The following GDAP1 variants were observed in gnomAD, a reference collection of about 807,000 sequenced individuals.
The protein encoded by GDAP1 is ganglioside-induced differentiation-associated protein 1.
A neutral mutation model predicts 40.1 loss-of-function variants in GDAP1; 34 were observed. The observed-to-expected ratio is 0.85, with a 90% CI of 0.64 to 1.13. GDAP1 has a LOEUF of 1.13. Ranked by LOEUF, GDAP1 falls within the 50% of genes most tolerant of loss-of-function variation. The pLI is 0.00. For missense variants in GDAP1, 374 were observed against 433.7 expected, an observed-to-expected ratio of 0.86 and a Z score of 1.22; for synonymous variants, 170 against 157.4, an observed-to-expected ratio of 1.08 and a Z score of -0.60.
intron 2 of GDAP1, among the ~76,000 whole-genome samples, chr8:74,413,544 A>C (rs1387541251): frequency 6.7e-6 from 1 of 149,542 alleles, no homozygotes; most frequent in Non-Finnish European, 1.5e-5. Flanking sequence ...AGACTGTGAA[A>C]ATCACCCATT....
At chr8:74,391,937 G>A (rs550443572) in intron 2 of GDAP1, among the ~76,000 whole-genome samples, 79 of 152,178 alleles carry the variant, frequency 5.2e-4, no homozygotes, top group South Asian at 1.5e-3. Flanking sequence ...TCCTGCCTCA[G>A]CCTCCCAAGT....
chr8:74,485,060 T>C (rs1485016507), intron 2 of GDAP1, among the ~76,000 whole-genome samples: 1 of 152,182 alleles, frequency 6.6e-6, no homozygotes, highest in Non-Finnish European at 1.5e-5. Context: ...AATGGTGCTC[T>C]GTCACCTGCA....
intron 2 of GDAP1, among the ~76,000 whole-genome samples, chr8:74,468,376 T>C (rs1160600910): frequency 1.3e-5 from 2 of 152,044 alleles, no homozygotes; most frequent in African/African-American, 4.8e-5. Flanking sequence ...AGACTTTCTC[T>C]TCAAGACCTG....
chr8:74,432,688 A>G (rs1806042768), intron 2 of GDAP1, among the ~76,000 whole-genome samples: 2 of 152,146 alleles, frequency 1.3e-5, no homozygotes, highest in South Asian at 2.1e-4. Context: ...TGGCCATTTA[A>G]TAGATGGACT....
intron 2 of GDAP1, among the ~76,000 whole-genome samples, chr8:74,471,470 C>T (rs1173234807): frequency 1.3e-5 from 2 of 149,870 alleles, no homozygotes; most frequent in Non-Finnish European, 3.0e-5. Context: ...AAAAATAATT[C>T]CTTCCTTTTG....
At chr8:74,435,961 C>T (rs1342022748) in intron 2 of GDAP1, among the ~76,000 whole-genome samples, 1 of 152,132 alleles carries the variant, frequency 6.6e-6, no homozygotes, top group Non-Finnish European at 1.5e-5. Context: ...CCAAGCATGT[C>T]AAGAATAAGA....
intron 2 of GDAP1, among the ~76,000 whole-genome samples, chr8:74,417,781 G>GAAAA (rs1563463756): frequency 7.4e-5 from 9 of 122,256 alleles, no homozygotes; most frequent in East Asian, 2.2e-4. Flanking sequence ...AAAAAAAAAG[G>GAAAA]AAAAGAAAAA....
At chr8:74,437,943 T>A (rs531854755) in intron 2 of GDAP1, among the ~76,000 whole-genome samples, 2 of 152,196 alleles carry the variant, frequency 1.3e-5, no homozygotes, top group Admixed American at 1.3e-4. Flanking sequence ...CTTGTCCACA[T>A]GTATGAGAAT....
intron 2 of GDAP1, among the ~76,000 whole-genome samples, chr8:74,434,075 GC>G (rs1423841339): frequency 1.3e-5 from 2 of 152,172 alleles, no homozygotes; most frequent in Admixed American, 6.5e-5. Context: ...GAATCTTATA[GC>G]TTTCACTGAG....
rs777308921 is a variant in GDAP1, at chr8:74,360,189, A to G, written c.363A>G (p.Val121=). Residue 121 remains valine, a synonymous_variant, in exon 3 of 6, where the codon GTA becomes GTG. Coordinates refer to ENST00000220822, the MANE Select transcript of GDAP1 (RefSeq NM_018972.4). The part of the protein sequence containing the change: ...PDKESMYYPR[V]QHYRELLDSL... ...AAGAAAGCATGTATTACCCACGGGT[A>G]CAACATTACCGAGAGCTGCTTGACT... 11 of 1,613,602 alleles carry G rather than the reference A, an allele frequency of 6.8e-6. No homozygotes were observed. The highest frequency in any genetic ancestry group is 9.3e-6 in the Non-Finnish European group (11 of 1,179,454).
At chr8:74,478,541 G>T (rs1806665534) in intron 2 of GDAP1, among the ~76,000 whole-genome samples, 1 of 152,106 alleles carries the variant, frequency 6.6e-6, no homozygotes, top group African/African-American at 2.4e-5. Context: ...GGCCCCAGGA[G>T]ATGCCAGCAG....
chr8:74,372,770 A>G (rs1809777473), intron 2 of GDAP1, among the ~76,000 whole-genome samples: 1 of 152,208 alleles, frequency 6.6e-6, no homozygotes, highest in Non-Finnish European at 1.5e-5. Flanking sequence ...CTTTAGCTTA[A>G]TTAGATTCCA....
intron 2 of GDAP1, among the ~76,000 whole-genome samples, chr8:74,450,053 G>A (rs1806277745): frequency 6.8e-6 from 1 of 147,912 alleles, no homozygotes; most frequent in Non-Finnish European, 1.5e-5. Flanking sequence ...GATATGTTGT[G>A]TTTTATCATT....
At position 74,364,941 on chromosome 8, in the gene GDAP1, G is replaced by C. The variant is rs1360081681; in HGVS notation, c.*574G>C. On this transcript the variant is annotated 3_prime_UTR_variant, in exon 6 of 6. Coordinates refer to ENST00000220822, the MANE Select transcript of GDAP1 (RefSeq NM_018972.4). ...ACATCTGCCTAGCATTTCTGTAAAA[G>C]TCTTAAGTGATATTAAGATGATTCC... The C allele has an allele frequency of 2.2e-6, 1 of 454,108 alleles. No individual in the cohort carries two copies. 28.1% of individuals were successfully genotyped at this position (454,108 alleles called of 1,614,324 possible).
At chr8:74,386,734 A>G (rs773429581) in intron 2 of GDAP1, among the ~76,000 whole-genome samples, 8 of 152,232 alleles carry the variant, frequency 5.3e-5, no homozygotes, top group Non-Finnish European at 7.3e-5. Context: ...AGTCGATGGT[A>G]GCTTGATGGG....
chr8:74,367,825 G>C (rs1258828110), downstream of GDAP1, among the ~76,000 whole-genome samples: 2 of 152,220 alleles, frequency 1.3e-5, no homozygotes, highest in Non-Finnish European at 2.9e-5. Flanking sequence ...GGATTAGACA[G>C]TGGATGGATG....
At chr8:74,422,941 T>A (rs1238895439) in intron 2 of GDAP1, among the ~76,000 whole-genome samples, 1 of 151,198 alleles carries the variant, frequency 6.6e-6, no homozygotes, top group Non-Finnish European at 1.5e-5. Context: ...ATGAGATTTG[T>A]CATCACTAAT....
intron 2 of GDAP1, among the ~76,000 whole-genome samples, chr8:74,471,392 A>G (rs1469896082): frequency 4.0e-5 from 6 of 151,746 alleles, no homozygotes; most frequent in South Asian, 2.1e-4. Context: ...TACTTAAAAG[A>G]TTATTTATTT....
At chr8:74,367,926 T>A (rs1809688213), downstream of GDAP1, among the ~76,000 whole-genome samples, 2 of 152,108 alleles carry the variant, frequency 1.3e-5, no homozygotes, top group South Asian at 4.1e-4. Context: ...GGCAGTGGGG[T>A]AGAGCAGCTC....
Sources: allele counts gnomAD v4.1 joint callset (sites outside exome capture counted in the v4.1 genomes callset), GRCh38; gene constraint gnomAD v4.1.1; transcripts MANE v1.5; gene names NCBI Gene and HGNC (gene_info 2026-07-23, HGNC 2026-07-21).